The following ITSN1 variants were observed in gnomAD, a reference collection of about 807,000 sequenced individuals.
ITSN1 encodes intersectin-1.
ITSN1 carries 58 observed loss-of-function variants against 239.8 expected under a neutral mutation model. The observed-to-expected ratio is 0.24, with a 90% CI of 0.20 to 0.30. The LOEUF (loss-of-function observed/expected upper bound fraction) is 0.30. Ranked by LOEUF, ITSN1 falls within the 10% of genes least tolerant of loss-of-function variation. ITSN1 has a pLI of 1.00. For synonymous variants in ITSN1, 780 were observed against 770.8 expected, an observed-to-expected ratio of 1.01 and a Z score of -0.20; for missense variants, 1,558 against 2,103.3, an observed-to-expected ratio of 0.74 and a Z score of 5.07.
At chr21:33,700,953 G>C (rs1199750428) in intron 1 of ITSN1, among the ~76,000 whole-genome samples, 1 of 55,684 alleles carries the variant, frequency 1.8e-5, no homozygotes, top group South Asian at 5.4e-4. Flanking sequence ...TCTTTTTTCT[G>C]TGTGTGTGTG....
chr21:33,846,461 C>T (rs1010548217), intron 29 of ITSN1, among the ~76,000 whole-genome samples: 3 of 152,260 alleles, frequency 2.0e-5, no homozygotes, highest in African/African-American at 7.2e-5. Context: ...TGGTTTGTTA[C>T]ATCCCCATTA....
chr21:33,706,420 G>T (rs1424430886), intron 1 of ITSN1, among the ~76,000 whole-genome samples: 1 of 150,938 alleles, frequency 6.6e-6, no homozygotes, highest in East Asian at 1.9e-4. Context: ...TTGTTACTTG[G>T]TCATAAAGGT....
At chr21:33,787,976 T>C (rs1344216953) in intron 16 of ITSN1, among the ~76,000 whole-genome samples, 3 of 152,190 alleles carry the variant, frequency 2.0e-5, no homozygotes, top group Non-Finnish European at 2.9e-5. Context: ...TTGAGTTTTT[T>C]AGTTACAGCA....
chr21:33,697,535 T>G (rs561108816), intron 1 of ITSN1, among the ~76,000 whole-genome samples: 207 of 152,276 alleles, frequency 1.4e-3, no homozygotes, highest in African/African-American at 4.8e-3. Context: ...CTTATTAATT[T>G]ATATTTGAGA....
At chr21:33,652,718 C>T (rs2088652889) in intron 1 of ITSN1, among the ~76,000 whole-genome samples, 1 of 152,110 alleles carries the variant, frequency 6.6e-6, no homozygotes, top group Admixed American at 6.5e-5. Context: ...TTTTAACTTG[C>T]ATTATTTTCT....
intron 1 of ITSN1, among the ~76,000 whole-genome samples, chr21:33,659,629 C>A (rs2089384245): frequency 6.6e-6 from 1 of 151,520 alleles, no homozygotes; most frequent in Admixed American, 6.6e-5. Context: ...TAGTACCTGC[C>A]CTTAAGCTAG....
Position 33,882,219 on chromosome 21 carries a change from T to G in ITSN1, c.4342-24T>G. ...TGCGGAGAAACAAAAATGCTACACTTTGGGTTTTGTTTTCCTTTCTCAGCA... is the reference window on the plus strand; with the variant it reads ...TGCGGAGAAACAAAAATGCTACACTGTGGGTTTTGTTTTCCTTTCTCAGCA... On this transcript the variant is annotated intron_variant, in intron 34 of 39. Transcript: ENST00000381318. This position sits in a 1 kb window ranked among gnomAD's most constrained non-coding sequence, Gnocchi z 4.5. 1 of 1,603,786 alleles carries G rather than the reference T, an allele frequency of 6.2e-7. No homozygotes were observed. Among genetic ancestry groups the G allele is most frequent in the Non-Finnish European group, 8.5e-7 (1 of 1,172,486 alleles).
chr21:33,684,107 A>G (rs2091115343), intron 1 of ITSN1, among the ~76,000 whole-genome samples: 1 of 152,200 alleles, frequency 6.6e-6, no homozygotes, highest in Admixed American at 6.5e-5. Flanking sequence ...GTTCCATTAA[A>G]GCATTTCGGT....
chr21:33,741,518 A>G (rs1041580779), intron 5 of ITSN1, among the ~76,000 whole-genome samples: 5 of 141,148 alleles, frequency 3.5e-5, no homozygotes, highest in Non-Finnish European at 5.9e-5. Flanking sequence ...GACTATAATT[A>G]TAAACTTACT....
intron 1 of ITSN1, among the ~76,000 whole-genome samples, chr21:33,661,994 A>G (rs1348514415): frequency 1.3e-5 from 2 of 152,166 alleles, no homozygotes. Context: ...TAGGACTCCC[A>G]GGGATCCACA....
At chr21:33,813,252 C>T (rs2073035599) in intron 21 of ITSN1, among the ~76,000 whole-genome samples, 1 of 152,042 alleles carries the variant, frequency 6.6e-6, no homozygotes. Flanking sequence ...GTGATCTCAG[C>T]AGCTCACTGC....
chr21:33,707,442 C>T (rs1489953591), intron 1 of ITSN1, among the ~76,000 whole-genome samples: 5 of 151,976 alleles, frequency 3.3e-5, no homozygotes, highest in Non-Finnish European at 1.5e-5. Context: ...TAAAAATGTA[C>T]AGTTTGGTTA....
chr21:33,762,190 A>G (rs2068385022), intron 9 of ITSN1, among the ~76,000 whole-genome samples: 1 of 152,182 alleles, frequency 6.6e-6, no homozygotes. Flanking sequence ...AATACAATAA[A>G]TTCTGAAGGA....
chr21:33,763,293 C>T (rs1215505019), intron 9 of ITSN1, among the ~76,000 whole-genome samples: 5 of 138,434 alleles, frequency 3.6e-5, no homozygotes, highest in African/African-American at 1.3e-4. Context: ...CCTGTAGTTT[C>T]TTAATGGCTT....
At chr21:33,695,899 AGT>A (rs922729578) in intron 1 of ITSN1, among the ~76,000 whole-genome samples, 4 of 152,190 alleles carry the variant, frequency 2.6e-5, no homozygotes, top group Non-Finnish European at 5.9e-5. Context: ...AATATATTTC[AGT>A]GCACCTCAAT....
chr21:33,720,232 G>T (rs2065403694), intron 2 of ITSN1, among the ~76,000 whole-genome samples: 1 of 152,190 alleles, frequency 6.6e-6, no homozygotes, highest in Non-Finnish European at 1.5e-5. Context: ...TGACTGAATG[G>T]ATTTTTACTT....
At chr21:33,737,719 A>G (rs896532817) in intron 5 of ITSN1, among the ~76,000 whole-genome samples, 5 of 151,926 alleles carry the variant, frequency 3.3e-5, no homozygotes, top group Admixed American at 3.3e-4. Flanking sequence ...GACTACAGGG[A>G]CATGCCGCAA....
chr21:33,746,071 G>C (rs920913692), intron 5 of ITSN1, among the ~76,000 whole-genome samples: 6 of 152,176 alleles, frequency 3.9e-5, no homozygotes, highest in African/African-American at 1.2e-4. Context: ...CTACAAAGAT[G>C]CAGGTGCAAT....
At chr21:33,655,532 C>G (rs982884143) in intron 1 of ITSN1, among the ~76,000 whole-genome samples, 2 of 151,946 alleles carry the variant, frequency 1.3e-5, no homozygotes, top group African/African-American at 2.4e-5. Context: ...ACAATCCCCC[C>G]ACCTCAGCCC....
Sources: allele counts gnomAD v4.1 joint callset (sites outside exome capture counted in the v4.1 genomes callset), GRCh38; gene constraint gnomAD v4.1.1; non-coding constraint Gnocchi (gnomAD v3.1); transcripts MANE v1.5; gene names NCBI Gene and HGNC (gene_info 2026-07-23, HGNC 2026-07-21).